The following MAP3K9 variants were observed in gnomAD, a reference collection of about 807,000 sequenced individuals.
The protein encoded by MAP3K9 is mitogen-activated protein kinase kinase kinase 9.
In MAP3K9, 46 loss-of-function variants were observed where a neutral mutation model predicts 95.8. The observed-to-expected ratio is 0.48, with a 90% CI of 0.38 to 0.61. The LOEUF is 0.61. Among genes scored for constraint, MAP3K9 ranks in the 20% least tolerant of loss-of-function variants. The pLI is 0.00. For synonymous variants in MAP3K9, 533 were observed against 593.8 expected, an observed-to-expected ratio of 0.90 and a Z score of 1.49; for missense variants, 1,296 against 1,474.3, an observed-to-expected ratio of 0.88 and a Z score of 1.98.
intron 1 of MAP3K9, among the ~76,000 whole-genome samples, chr14:70,802,996 T>C (rs2054947718): frequency 6.6e-6 from 1 of 152,122 alleles, no homozygotes. Context: ...CATGAATGGC[T>C]TGGCACCCTC....
At chr14:70,739,749 T>G (rs2054041266) in intron 7 of MAP3K9, 5 of 805,016 alleles carry the variant, frequency 6.2e-6, no homozygotes, top group Non-Finnish European at 9.5e-6. Context: ...TGTATCCACA[T>G]CACACACCAG....
chr14:70,748,716 C>CA, intron 5 of MAP3K9, 113 bp downstream of exon 5: 1 of 768,940 alleles, frequency 1.3e-6, no homozygotes, highest in East Asian at 2.7e-5. Flanking sequence ...ATGCTAGAAT[C>CA]AAGATGGTCA....
chr14:70,737,835 GAACGCCTTCAGGGGTTGGCA>G (rs886268824), intron 8 of MAP3K9, among the ~76,000 whole-genome samples: 1 of 152,196 alleles, frequency 6.6e-6, no homozygotes, highest in African/African-American at 2.4e-5. Flanking sequence ...ACTCTGAGTA[GAACGCCTTCAGGGGTTGGCA>G]AACTATAACT....
intron 10 of MAP3K9, 106 bp downstream of exon 10, chr14:70,734,280 T>A: frequency 1.3e-6 from 1 of 773,808 alleles, no homozygotes; most frequent in Non-Finnish European, 2.3e-6. Flanking sequence ...CAATGTTTCC[T>A]CCATGAAGCA....
chr14:70,807,142 C>T (rs1053448663), intron 1 of MAP3K9, among the ~76,000 whole-genome samples: 3 of 152,096 alleles, frequency 2.0e-5, no homozygotes, highest in African/African-American at 7.2e-5. Flanking sequence ...AAAAGAAGAG[C>T]AGAAAAACAA....
At chr14:70,769,356 G>A (rs2054500598) in intron 2 of MAP3K9, among the ~76,000 whole-genome samples, 1 of 152,064 alleles carries the variant, frequency 6.6e-6, no homozygotes, top group African/African-American at 2.4e-5. Context: ...TCTGACAACC[G>A]TGACTTCTGT....
intron 1 of MAP3K9, 68 bp downstream of exon 1, chr14:70,808,698 C>T (rs1343914231): frequency 1.1e-5 from 7 of 646,054 alleles, no homozygotes; most frequent in Admixed American, 4.2e-5. Flanking sequence ...GCAGTGCTCC[C>T]CCCTTCCCCG....
At chr14:70,796,002 C>T (rs2054860566) in intron 2 of MAP3K9, among the ~76,000 whole-genome samples, 2 of 150,314 alleles carry the variant, frequency 1.3e-5, no homozygotes, top group South Asian at 4.2e-4. Flanking sequence ...TGATCCTCCT[C>T]CCTCAGCCTC....
At chr14:70,796,215 T>C (rs17766621) in intron 2 of MAP3K9, among the ~76,000 whole-genome samples, 54,683 of 152,114 alleles carry the variant, frequency 0.36, 10,304 homozygotes, top group African/African-American at 0.44. Flanking sequence ...CTAACTATCA[T>C]GTAACTGGTT....
Position 70,730,172 on chromosome 14 carries a change from C to T in MAP3K9, c.*208G>A. ...CACAGCCAGAGCTGATGGCCACAGC[C>T]CCTCCAGTGGACACGGGTAGAAAGG... On this transcript the variant is annotated 3_prime_UTR_variant, in exon 12 of 12. Transcript: ENST00000554752. 1.5e-6 allele frequency: 1 copy of T among 658,904 alleles called. No individual in the cohort carries two copies. Among genetic ancestry groups the T allele is most frequent in the African/African-American group, 1.8e-5 (1 of 55,178 alleles). The allele number at this position is 658,904 out of a possible 1,614,324, so 40.8% of individuals were successfully genotyped here.
intron 1 of MAP3K9, among the ~76,000 whole-genome samples, chr14:70,803,170 C>T (rs1411714853): frequency 6.6e-6 from 1 of 151,984 alleles, no homozygotes; most frequent in Non-Finnish European, 1.5e-5. Flanking sequence ...TGAGGCCTCA[C>T]CAGAGCCAAG....
chr14:70,807,860 T>TA, intron 1 of MAP3K9, among the ~76,000 whole-genome samples: 1 of 151,974 alleles, frequency 6.6e-6, no homozygotes, highest in South Asian at 2.1e-4. Context: ...GGGTATGAAA[T>TA]ATGGGGCTCC....
At chr14:70,744,016 T>G (rs756255831) in intron 5 of MAP3K9, among the ~76,000 whole-genome samples, 7 of 152,188 alleles carry the variant, frequency 4.6e-5, no homozygotes, top group Non-Finnish European at 8.8e-5. Flanking sequence ...CATGATACTA[T>G]GCAGCCATAA....
At chr14:70,793,651 A>G (rs2054830813) in intron 2 of MAP3K9, among the ~76,000 whole-genome samples, 1 of 121,720 alleles carries the variant, frequency 8.2e-6, no homozygotes. Context: ...TTCACATGAT[A>G]TTTCATTCAT....
At chr14:70,749,275 A>T (rs1418168969) in intron 4 of MAP3K9, among the ~76,000 whole-genome samples, 1 of 152,182 alleles carries the variant, frequency 6.6e-6, no homozygotes, top group Non-Finnish European at 1.5e-5. Context: ...AGCGAGCCCA[A>T]AGAGTTTTCT....
At chr14:70,770,768 G>A (rs1327081595) in intron 2 of MAP3K9, among the ~76,000 whole-genome samples, 1 of 152,022 alleles carries the variant, frequency 6.6e-6, no homozygotes, top group Non-Finnish European at 1.5e-5. Context: ...CATCCTCTAC[G>A]TCTGGTACAC....
intron 5 of MAP3K9, 97 bp downstream of exon 5, chr14:70,748,732 A>T (rs1174645634): frequency 1.3e-5 from 12 of 896,584 alleles, no homozygotes; most frequent in Non-Finnish European, 1.9e-5. Flanking sequence ...GGTCAGTCAG[A>T]CTCGGTCCAG....
intron 2 of MAP3K9, chr14:70,783,447 GCTC>G: frequency 1.1e-6 from 1 of 952,178 alleles, no homozygotes; most frequent in Non-Finnish European, 1.2e-6. Flanking sequence ...TCCCAAAAGA[GCTC>G]CTGAAGGATT....
chr14:70,761,291 A>T, intron 2 of MAP3K9, 109 bp from the exon 3 acceptor site: 1 of 836,308 alleles, frequency 1.2e-6, no homozygotes, highest in Non-Finnish European at 1.8e-6. Context: ...GGGCTCCAGC[A>T]TTTAGCTGCC....
Sources: allele counts gnomAD v4.1 joint callset (sites outside exome capture counted in the v4.1 genomes callset), GRCh38; gene constraint gnomAD v4.1.1; transcripts MANE v1.5; gene names NCBI Gene and HGNC (gene_info 2026-07-23, HGNC 2026-07-21).